IQGAP1: variants seen among roughly 807,000 people sequenced by gnomAD.
IQGAP1 encodes ras GTPase-activating-like protein IQGAP1.
In IQGAP1, 66 loss-of-function variants were observed where a neutral mutation model predicts 215.6. The ratio of observed to expected loss-of-function variants is 0.31; its 90% CI spans 0.25 to 0.38. The LOEUF is 0.38. Ranked by LOEUF, IQGAP1 falls within the 10% of genes least tolerant of loss-of-function variation. The pLI, the probability that IQGAP1 is intolerant of heterozygous loss-of-function variation, is 1.00. For missense variants in IQGAP1, 1,712 were observed against 1,997.1 expected (o/e 0.86, Z 2.72); for synonymous variants, 772 against 728.7 (o/e 1.06, Z -0.96).
chr15:90,406,923 T>G (rs1449832593), intron 2 of IQGAP1, among the ~76,000 whole-genome samples: 1 of 152,158 alleles, frequency 6.6e-6, no homozygotes, highest in Non-Finnish European at 1.5e-5. Context: ...CATTAACTCA[T>G]TAGTAGATAT....
Position 90,419,589 on chromosome 15 carries a change from G to C in IQGAP1, c.156-6521G>C, listed in dbSNP as rs116938864. Among the ~76,000 whole-genome samples, 1,134 of 152,200 alleles carry C rather than the reference G, an allele frequency of 7.5e-3. 9 individuals carry two copies. The highest frequency in any genetic ancestry group is 0.011 in the Non-Finnish European group (759 of 68,008). On this transcript the variant is annotated intron_variant, in intron 2 of 37. Transcript: ENST00000268182. ...GTTGTCTGCTTGTTACATCTCTTGTGAAAAACATAAAAAATATAAGAGTTT... is the reference window on the plus strand; with the variant it reads ...GTTGTCTGCTTGTTACATCTCTTGTCAAAAACATAAAAAATATAAGAGTTT...
chr15:90,483,262 T>C (rs1393644879), intron 28 of IQGAP1, 99 bp from the exon 29 acceptor site: 3 of 796,498 alleles, frequency 3.8e-6, no homozygotes, highest in East Asian at 2.7e-5. Context: ...TTTTTCCTCA[T>C]AGGACTGCAT....
chr15:90,490,910 G>A (rs113806899), intron 33 of IQGAP1, among the ~76,000 whole-genome samples: 3,939 of 152,262 alleles, frequency 0.026, 141 homozygotes, highest in African/African-American at 0.086. Flanking sequence ...CTGGGTTCAC[G>A]CCATTCTCCT....
At chr15:90,478,338 AG>A (rs1199363681) in intron 26 of IQGAP1, among the ~76,000 whole-genome samples, 1 of 152,178 alleles carries the variant, frequency 6.6e-6, no homozygotes, top group Non-Finnish European at 1.5e-5. Flanking sequence ...TTGTTGACCT[AG>A]TAATAAATTC....
At chr15:90,467,728 A>C (rs559728874) in intron 18 of IQGAP1, 136 bp downstream of exon 18, 19 of 810,062 alleles carry the variant, frequency 2.3e-5, no homozygotes, top group Non-Finnish European at 3.3e-5. Flanking sequence ...GTTTTGCGGT[A>C]ATTTTTTTGT....
chr15:90,419,142 A>C (rs993921030), intron 2 of IQGAP1, among the ~76,000 whole-genome samples: 2 of 62,414 alleles, frequency 3.2e-5, no homozygotes, highest in African/African-American at 1.2e-4. Context: ...TCAAAAAAGA[A>C]AAAAAAAAAA....
intron 2 of IQGAP1, among the ~76,000 whole-genome samples, chr15:90,418,895 C>T (rs1320200093): frequency 6.6e-6 from 1 of 152,084 alleles, no homozygotes; most frequent in Non-Finnish European, 1.5e-5. Context: ...GCCTGTAATC[C>T]CAGCACTTTG....
intron 2 of IQGAP1, among the ~76,000 whole-genome samples, chr15:90,392,367 T>C (rs561433749): frequency 6.6e-6 from 1 of 152,320 alleles, no homozygotes; most frequent in African/African-American, 2.4e-5. Flanking sequence ...AAACAAAAAC[T>C]GTAAGATCTC....
intron 24 of IQGAP1, 27 bp downstream of exon 24, chr15:90,476,845 T>TAA: frequency 6.3e-7 from 1 of 1,578,046 alleles, no homozygotes; most frequent in South Asian, 1.2e-5. Context: ...ATCAGTGTTA[T>TAA]AAAAATTTAG....
chr15:90,459,634 C>G (rs1965733962), intron 15 of IQGAP1, among the ~76,000 whole-genome samples: 1 of 152,148 alleles, frequency 6.6e-6, no homozygotes, highest in African/African-American at 2.4e-5. Context: ...TTAACATTGC[C>G]AGGCCCAGCT....
rs1966137654 is a variant in IQGAP1 at position 90,487,100 on chromosome 15, A to G, written c.4160+11A>G. 6.2e-7 allele frequency: 1 copy of G among 1,613,866 alleles called. No individual in the cohort carries two copies. On this transcript the variant is annotated intron_variant, in intron 32 of 37. Coordinates refer to ENST00000268182, the MANE Select transcript of IQGAP1 (RefSeq NM_003870.4). Reference sequence around the variant, plus strand: ...AACCATCTTACTGAAGTGAGTATCAAAAGAAGGAAGAATGAAATGAATGTA... The same window carrying G: ...AACCATCTTACTGAAGTGAGTATCAGAAGAAGGAAGAATGAAATGAATGTA...
chr15:90,430,402 G>C (rs1965285430), intron 4 of IQGAP1, among the ~76,000 whole-genome samples: 1 of 152,068 alleles, frequency 6.6e-6, no homozygotes, highest in Non-Finnish European at 1.5e-5. Context: ...TAATCAGAAA[G>C]CACCAAAAAA....
intron 30 of IQGAP1, 100 bp downstream of exon 30, chr15:90,484,452 A>G (rs1966098531): frequency 1.2e-6 from 1 of 852,134 alleles, no homozygotes; most frequent in Non-Finnish European, 1.8e-6. Context: ...CCTTCCTGTA[A>G]TCTAACTGAC....
At chr15:90,469,749 G>A (rs143687115) in intron 18 of IQGAP1, among the ~76,000 whole-genome samples, 2,514 of 152,254 alleles carry the variant, frequency 0.017, 40 homozygotes, top group Non-Finnish European at 0.024. Flanking sequence ...AGGAAAAAAA[G>A]AAAAGGCTGT....
chr15:90,491,306 C>CT, intron 33 of IQGAP1, 27 bp from the exon 34 acceptor site: 1 of 1,599,004 alleles, frequency 6.3e-7, no homozygotes, highest in African/African-American at 1.3e-5. Context: ...GGTAAACTTG[C>CT]TAAGAACTTC....
intron 36 of IQGAP1, among the ~76,000 whole-genome samples, chr15:90,495,495 G>A (rs1190055507): frequency 2.6e-5 from 4 of 151,950 alleles, no homozygotes; most frequent in Non-Finnish European, 5.9e-5. Context: ...GAAAACACCT[G>A]TAATTCCACA....
chr15:90,461,694 G>T (rs1196073718), intron 15 of IQGAP1, among the ~76,000 whole-genome samples: 1 of 152,062 alleles, frequency 6.6e-6, no homozygotes, highest in Admixed American at 6.6e-5. Context: ...CAGGTGTGGT[G>T]TACACCCCTG....
At chr15:90,414,232 G>T (rs530527325) in intron 2 of IQGAP1, among the ~76,000 whole-genome samples, 22 of 151,970 alleles carry the variant, frequency 1.4e-4, no homozygotes, top group Non-Finnish European at 2.9e-5. Context: ...AGAAGGGGGC[G>T]GGGAGGGAGT....
chr15:90,394,265 A>G (rs1346414716), intron 2 of IQGAP1, among the ~76,000 whole-genome samples: 1 of 149,144 alleles, frequency 6.7e-6, no homozygotes, highest in Non-Finnish European at 1.5e-5. Context: ...GCCTGGCATC[A>G]TGGAAAGGTG....
Sources: gnomAD v4.1 joint callset for allele counts (sites outside exome capture counted in the v4.1 genomes callset) on GRCh38, gnomAD v4.1.1 for gene constraint, MANE v1.5 for transcripts, NCBI Gene and HGNC (gene_info 2026-07-23, HGNC 2026-07-21) for gene names.